The following CYLD variants were observed in gnomAD, a reference collection of about 807,000 sequenced individuals.
CYLD encodes the protein CYLD lysine 63 deubiquitinase, also known as ubiquitin carboxyl-terminal hydrolase CYLD.
Under a neutral mutation model 104.5 loss-of-function variants are expected in CYLD, and 26 were observed. That is an observed-to-expected ratio of 0.25 (90% CI 0.18 to 0.35). The LOEUF is 0.35. Ranked by LOEUF, CYLD falls within the 10% of genes least tolerant of loss-of-function variation. The pLI is 1.00. For synonymous variants in CYLD, 385 were observed against 399.9 expected (o/e 0.96, Z 0.45); for missense variants, 703 against 1,136.1 (o/e 0.62, Z 5.48).
At chr16:50,795,647 G>A in intron 18 of CYLD, 3 of 702,370 alleles carry the variant, frequency 4.3e-6, no homozygotes, top group Non-Finnish European at 5.2e-6. Context: ...CCAGGCCCTA[G>A]ATCAAGAGTT....
chr16:50,782,191 A>T, intron 10 of CYLD, 134 bp from the exon 11 acceptor site: 1 of 669,748 alleles, frequency 1.5e-6, no homozygotes, highest in African/African-American at 1.8e-5. Flanking sequence ...ACCAAAGCCT[A>T]CTTTCCACTT....
rs755220367 is a variant in CYLD at position 50,751,837 on chromosome 16, T to C, written c.738T>C (p.Ser246=). ...TGAAGGTTGGAGAAACAATAGAATC[T>C]GGAACAGTTATATTCTGTGATGTTT... ...VSLKVGETIE[S]GTVIFCDVLP... Residue 246 remains serine, a synonymous_variant, in exon 4 of 19, where the codon TCT becomes TCC. Transcript: ENST00000427738. 4.3e-6 allele frequency: 7 copies of C among 1,613,354 alleles called. No individual in the cohort carries two copies. In the African/African-American group the frequency reaches 6.7e-5, roughly 15 times the overall value.
In CYLD at chr16:50,783,193, A is replaced by G. The variant is rs140576844; in HGVS notation, c.1826+727A>G. Among the ~76,000 whole-genome samples, 451 of 152,130 alleles carry G rather than the reference A, an allele frequency of 3.0e-3. 5 individuals are homozygous for G. Among genetic ancestry groups the G allele is most frequent in the African/African-American group, 0.01 (425 of 41,516 alleles). On this transcript the variant is annotated intron_variant, in intron 11 of 18. Transcript: ENST00000427738. ...ATGATCTACCCGCCTTGGCCTCCCA[A>G]AGTGCTTGGGATTACGGGCATGAGC...
intron 8 of CYLD, among the ~76,000 whole-genome samples, chr16:50,778,824 A>C (rs1969935605): frequency 1.3e-5 from 2 of 152,140 alleles, no homozygotes; most frequent in South Asian, 4.1e-4. Flanking sequence ...TTTCATGTAA[A>C]GTATGAGTAG....
Position 50,776,237 on chromosome 16 carries a change from G to A in CYLD, c.981G>A (p.Gly327=), listed in dbSNP as rs2150982167. Residue 327 remains glycine (G), a synonymous_variant, in exon 7 of 19, where the codon GGG becomes GGA. Coordinates refer to ENST00000427738, the MANE Select transcript of CYLD (RefSeq NM_001378743.1). The part of the protein sequence containing the change: ...PKLAFMSRGV[G]DKGSSSHNKP... The stretch of plus-strand genomic sequence containing the variant: ...TTGCCTTTATGTCAAGAGGTGTTGG[G>A]GACAAAGGTTCATCCAGTCATAATA... 6.2e-7 allele frequency: 1 copy of A among 1,613,398 alleles called. No individual in the cohort carries two copies.
At chr16:50,757,473 A>C (rs888269860) in intron 5 of CYLD, among the ~76,000 whole-genome samples, 1 of 152,064 alleles carries the variant, frequency 6.6e-6, no homozygotes, top group Non-Finnish European at 1.5e-5. Context: ...GGAACAAATG[A>C]TTTACATTCA....
chr16:50,795,631 A>C, intron 18 of CYLD: 1 of 702,808 alleles, frequency 1.4e-6, no homozygotes, highest in Non-Finnish European at 2.6e-6. Context: ...CCTCTTGAAC[A>C]GAGGCCCAGG....
At chr16:50,742,657 C>T (rs1596939846) in intron 1 of CYLD, 105 bp from the exon 2 acceptor site, 1 of 389,912 alleles carries the variant, frequency 2.6e-6, no homozygotes, top group Admixed American at 4.5e-5. Flanking sequence ...GACCGCGCCG[C>T]GGGGCGTACG....
At chr16:50,792,726 G>A in intron 16 of CYLD, 21 bp downstream of exon 16, 1 of 1,270,070 alleles carries the variant, frequency 7.9e-7, no homozygotes, top group East Asian at 2.4e-5. Flanking sequence ...GATTTTTTTA[G>A]TTTGTTTTGT....
chr16:50,792,810 G>C, intron 16 of CYLD, 105 bp downstream of exon 16: 1 of 668,724 alleles, frequency 1.5e-6, no homozygotes, highest in Non-Finnish European at 2.7e-6. Context: ...TATTTCCCAA[G>C]GCAATTCAGT....
chr16:50,791,498 A>G (rs761678240), intron 14 of CYLD, 60 bp from the exon 15 acceptor site: 1 of 1,592,048 alleles, frequency 6.3e-7, no homozygotes, highest in African/African-American at 1.3e-5. Flanking sequence ...ACAACTTAAC[A>G]TTTTGATTTA....
chr16:50,793,698 G>T (rs369719849), intron 17 of CYLD, 34 bp downstream of exon 17: 42 of 1,298,036 alleles, frequency 3.2e-5, no homozygotes, highest in Middle Eastern at 1.8e-4. Flanking sequence ...ATAAACTTTT[G>T]TTGAACAGTA....
chr16:50,796,777 G>A lies in CYLD; in HGVS notation c.*269G>A, dbSNP rs1972087416. The A allele has an allele frequency of 2.1e-6, 1 of 474,654 alleles. No individual in the cohort carries two copies. Among genetic ancestry groups the A allele is most frequent in the African/African-American group, 1.9e-5 (1 of 51,874 alleles). 29.4% of individuals were successfully genotyped at this position (474,654 alleles called of 1,614,324 possible). A position where few individuals can be genotyped will look rare whatever the true frequency, so the allele number is the denominator to read the frequency against. The stretch of plus-strand genomic sequence containing the variant: ...ATTAATACCTGAAGCTTTAAGTTAA[G>A]TGCATTGATCATATGATATTTTTGG... On this transcript the variant is annotated 3_prime_UTR_variant, in exon 19 of 19. Coordinates refer to ENST00000427738, the MANE Select transcript of CYLD (RefSeq NM_001378743.1).
At chr16:50,756,090 G>A (rs1455926316) in intron 5 of CYLD, among the ~76,000 whole-genome samples, 1 of 152,084 alleles carries the variant, frequency 6.6e-6, no homozygotes, top group Non-Finnish European at 1.5e-5. Context: ...TTTAGAACTT[G>A]ACTTTTATAT....
intron 5 of CYLD, among the ~76,000 whole-genome samples, chr16:50,768,553 G>A (rs56933713): frequency 0.044 from 6,624 of 152,256 alleles, 476 homozygotes; most frequent in African/African-American, 0.15. Flanking sequence ...GGATACCTTT[G>A]ATTGAAAGAT....
At chr16:50,755,252 T>C (rs1260223912) in intron 5 of CYLD, among the ~76,000 whole-genome samples, 1 of 151,296 alleles carries the variant, frequency 6.6e-6, no homozygotes, top group Non-Finnish European at 1.5e-5. Context: ...CACATATGTG[T>C]ACTACATTTT....
Position 50,776,629 on chromosome 16 carries a change from G to A in CYLD, c.1021+352G>A, listed in dbSNP as rs538374869. Among the ~76,000 whole-genome samples, 25 of 152,246 alleles carry A rather than the reference G, an allele frequency of 1.6e-4. 1 individual carries two copies. The highest frequency in any genetic ancestry group is 1.0e-3 in the South Asian group (5 of 4,820). On this transcript the variant is annotated intron_variant, in intron 7 of 18. Coordinates refer to ENST00000427738, the MANE Select transcript of CYLD (RefSeq NM_001378743.1). The stretch of plus-strand genomic sequence containing the variant: ...GTTATATAGGATAAAGTATACTAGA[G>A]GTTAATTAAATGGATTTTGCTAACT...
At chr16:50,754,997 G>GTATATATACATATATATA in intron 5 of CYLD, among the ~76,000 whole-genome samples, 1 of 7,556 alleles carries the variant, frequency 1.3e-4, no homozygotes, top group Non-Finnish European at 2.7e-4. Context: ...ACATATATAT[G>GTATATATACATATATATA]TATATATACA....
chr16:50,765,093 G>C (rs188719665), intron 5 of CYLD, among the ~76,000 whole-genome samples: 1 of 152,232 alleles, frequency 6.6e-6, no homozygotes, highest in African/African-American at 2.4e-5. Context: ...ATCAAATACA[G>C]GCATACCTAA....
Sources: allele counts gnomAD v4.1 joint callset (sites outside exome capture counted in the v4.1 genomes callset), GRCh38; gene constraint gnomAD v4.1.1; transcripts MANE v1.5; gene names NCBI Gene and HGNC (gene_info 2026-07-23, HGNC 2026-07-21).